MRC2: variants seen among roughly 807,000 people sequenced by gnomAD.
The protein encoded by MRC2 is C-type mannose receptor 2.
MRC2 carries 84 observed loss-of-function variants against 206.2 expected under a neutral mutation model. That is an observed-to-expected ratio of 0.41 (90% confidence interval 0.34 to 0.49). The LOEUF is 0.49. Ranked by LOEUF, MRC2 falls within the 20% of genes least tolerant of loss-of-function variation. The pLI is 0.31. For missense variants in MRC2, 1,676 were observed against 2,001.5 expected, an observed-to-expected ratio of 0.84 and a Z score of 3.10; for synonymous variants, 798 against 800.0, an observed-to-expected ratio of 1.00 and a Z score of 0.04.
At position 62,692,045 on chromosome 17, in the gene MRC2, T is replaced by G; in HGVS notation, c.4193-67T>G. ...CCGGCCCAGGCCTGTGTGCTTTGTA[T>G]GTTTACTTAAGTGATTATTACGATG... On this transcript the variant is annotated intron_variant, in intron 28 of 29. Coordinates refer to ENST00000303375, the MANE Select transcript of MRC2 (RefSeq NM_006039.5). The surrounding 1 kb of genome is among the most constrained non-coding windows in gnomAD (Gnocchi z 4.2). 5 of 1,608,036 alleles carry G rather than the reference T, an allele frequency of 3.1e-6. No individual in the cohort carries two copies. The Admixed American group carries it at 5.0e-5, about 16-fold the overall frequency.
intron 20 of MRC2, among the ~76,000 whole-genome samples, chr17:62,687,764 T>C (rs549562970): frequency 1.6e-4 from 24 of 152,082 alleles, no homozygotes; most frequent in Non-Finnish European, 2.9e-4. Context: ...GCGCCTGCAG[T>C]CCCAGCTACT....
Position 62,692,156 on chromosome 17 carries a change from C to T in MRC2, c.4219+18C>T. 1 of 1,614,176 alleles carries T rather than the reference C, an allele frequency of 6.2e-7. No individual in the cohort carries two copies. The highest frequency in any genetic ancestry group is 8.5e-7 in the Non-Finnish European group (1 of 1,180,038). ...CCCATCAGGTGAGTGAAAGGCAATG[C>T]CCCCAGGTGGGCAGGCAGGAAGCAC... On this transcript the variant is annotated intron_variant, in intron 29 of 29. Transcript: ENST00000303375. This position sits in a 1 kb window ranked among gnomAD's most constrained non-coding sequence, Gnocchi z 4.2.
chr17:62,665,035 C>G (rs2088732937), intron 2 of MRC2, 86 bp downstream of exon 2: 4 of 1,423,440 alleles, frequency 2.8e-6, no homozygotes, highest in Non-Finnish European at 3.7e-6. Context: ...AGTGACAAGG[C>G]CTTTGGCCTC....
At chr17:62,674,020 G>A in intron 8 of MRC2, 43 bp from the exon 9 acceptor site, 1 of 1,423,356 alleles carries the variant, frequency 7.0e-7, no homozygotes, top group Non-Finnish European at 9.7e-7. Flanking sequence ...GGAGATTTAT[G>A]GGGAGGTGGG....
intron 1 of MRC2, among the ~76,000 whole-genome samples, chr17:62,649,219 G>A (rs2088526243): frequency 6.6e-6 from 1 of 152,244 alleles, no homozygotes; most frequent in Non-Finnish European, 1.5e-5. Context: ...AAGTTGGCAG[G>A]TGCTCAATCT....
chr17:62,685,275 A>G (rs1260412639), intron 20 of MRC2, among the ~76,000 whole-genome samples: 1 of 152,166 alleles, frequency 6.6e-6, no homozygotes, highest in African/African-American at 2.4e-5. Context: ...CTCTCTAGAG[A>G]TCACAGCTAT....
intron 1 of MRC2, among the ~76,000 whole-genome samples, chr17:62,648,474 CT>C (rs963552828): frequency 6.6e-6 from 1 of 152,230 alleles, no homozygotes; most frequent in African/African-American, 2.4e-5. Flanking sequence ...TGTGAGTGAC[CT>C]CATTTTCCCT....
At chr17:62,658,265 G>T (rs1450000202) in intron 1 of MRC2, among the ~76,000 whole-genome samples, 3 of 152,148 alleles carry the variant, frequency 2.0e-5, no homozygotes, top group African/African-American at 7.2e-5. Context: ...CCTCTAACTG[G>T]ATTACAAATC....
At position 62,678,596 on chromosome 17, in the gene MRC2, C is replaced by T. The variant is rs369571285; in HGVS notation, c.2145C>T (p.Ala715=). The change falls in exon 13 of 30, where the codon GCC becomes GCT. Residue 715 remains alanine, a synonymous_variant. Transcript: ENST00000303375. ...TGGGGGCCCAGCTGCTGAGCCTGGC[C>T]AGCTACGAGGAGGAGCACTTTGTGG... is the stretch of plus-strand genomic sequence containing the variant. ...QELGAQLLSL[A]SYEEEHFVAN... 1.2e-5 allele frequency: 20 copies of T among 1,610,562 alleles called. No homozygotes were observed. The highest frequency in any genetic ancestry group is 2.2e-5 in the East Asian group (1 of 44,792).
Position 62,666,938 on chromosome 17 carries a change from C to T in MRC2, c.973+68C>T, listed in dbSNP as rs1246878368. On this transcript the variant is annotated intron_variant, in intron 5 of 29. Coordinates refer to ENST00000303375, the MANE Select transcript of MRC2 (RefSeq NM_006039.5). The surrounding 1 kb of genome is among the most constrained non-coding windows in gnomAD (Gnocchi z 5.0). Reference sequence around the variant, plus strand: ...GCGGGCTCTTGGCCTCCCATGGACTCCTCTCCTCATGTCCTCCTGCAGAGG... The same window carrying T: ...GCGGGCTCTTGGCCTCCCATGGACTTCTCTCCTCATGTCCTCCTGCAGAGG... The T allele has an allele frequency of 1.7e-5, 20 of 1,197,876 alleles. No individual in the cohort carries two copies. Among genetic ancestry groups the T allele is most frequent in the Non-Finnish European group, 2.2e-5 (18 of 820,896 alleles). The allele number at this position is 1,197,876 out of a possible 1,614,324, so 74.2% of individuals were successfully genotyped here.
At chr17:62,638,401 A>C (rs1407916295) in intron 1 of MRC2, among the ~76,000 whole-genome samples, 1 of 152,190 alleles carries the variant, frequency 6.6e-6, no homozygotes, top group Non-Finnish European at 1.5e-5. Flanking sequence ...TGTGAGACAC[A>C]CCAGAAAAAA....
In MRC2 at chr17:62,681,869, C is replaced by T. The variant is rs774137255; in HGVS notation, c.2735C>T (p.Ser912Phe). 6.2e-7 allele frequency: 1 copy of T among 1,613,962 alleles called. No individual in the cohort carries two copies. The highest frequency in any genetic ancestry group is 8.5e-7 in the Non-Finnish European group (1 of 1,179,984). The change falls in exon 19 of 30, where the codon TCC becomes TTC. Residue 912 changes from serine to phenylalanine, a missense_variant. Coordinates refer to ENST00000303375, the MANE Select transcript of MRC2 (RefSeq NM_006039.5). Reference protein sequence around the residue: ...WTDGSIINFISWAPGKPRPVG... With the variant: ...WTDGSIINFIFWAPGKPRPVG... Reference sequence around the variant, plus strand: ...GATGGTTCCATTATAAACTTCATCTCCTGGGCACCAGGCAAACCTCGGCCT... The same window carrying T: ...GATGGTTCCATTATAAACTTCATCTTCTGGGCACCAGGCAAACCTCGGCCT...
chr17:62,668,051 C>T (rs1435376457), intron 6 of MRC2, among the ~76,000 whole-genome samples: 1 of 152,110 alleles, frequency 6.6e-6, no homozygotes, highest in Non-Finnish European at 1.5e-5. Context: ...AACTACACTG[C>T]AGCTTTAAGG....
chr17:62,666,639 C>T lies in MRC2; in HGVS notation c.859+20C>T, dbSNP rs2088758937. 6.5e-7 allele frequency: 1 copy of T among 1,546,638 alleles called. No individual in the cohort carries two copies. The highest frequency in any genetic ancestry group is 1.4e-5 in the African/African-American group (1 of 73,520). On this transcript the variant is annotated intron_variant, in intron 4 of 29. Transcript: ENST00000303375. The surrounding 1 kb of genome is among the most constrained non-coding windows in gnomAD (Gnocchi z 5.0). The stretch of plus-strand genomic sequence containing the variant: ...TCAACGGTGAGCCGGGGCCTGATGC[C>T]TGCTCGTGCCTCTGGAGGGCCCGGG...
At position 62,680,505 on chromosome 17, in the gene MRC2, A is replaced by G. The variant is rs755700146; in HGVS notation, c.2473+52A>G. ...ACCCATCGCGTGGGAGAGGGCGTCA[A>G]CTCTGGGGTAAGTCCCGAGAGGCCT... On this transcript the variant is annotated intron_variant, in intron 16 of 29. Transcript: ENST00000303375. This position sits in a 1 kb window ranked among gnomAD's most constrained non-coding sequence, Gnocchi z 4.8. 1 of 1,608,850 alleles carries G rather than the reference A, an allele frequency of 6.2e-7. No individual in the cohort carries two copies. Among genetic ancestry groups the G allele is most frequent in the Admixed American group, 1.7e-5 (1 of 59,856 alleles).
chr17:62,648,125 C>T (rs2088512093), intron 1 of MRC2, among the ~76,000 whole-genome samples: 1 of 152,198 alleles, frequency 6.6e-6, no homozygotes, highest in Non-Finnish European at 1.5e-5. Context: ...AAGAACAGGC[C>T]GGGCATAGTG....
chr17:62,664,417 T>C lies in MRC2; in HGVS notation c.119-131T>C, dbSNP rs1038676921. ...CAGAGGGTTGGTAGTGAGTACCGAG[T>C]GATTTAACGTATGAGTGACGGCTCA... On this transcript the variant is annotated intron_variant, in intron 1 of 29. Transcript: ENST00000303375. The surrounding 1 kb of genome is among the most constrained non-coding windows in gnomAD (Gnocchi z 4.7). 4.6e-5 allele frequency: 48 copies of C among 1,033,360 alleles called. No homozygotes were observed. Among genetic ancestry groups the C allele is most frequent in the Non-Finnish European group, 6.1e-5 (43 of 704,904 alleles). 64.0% of individuals were successfully genotyped at this position (1,033,360 alleles called of 1,614,324 possible). A position where few individuals can be genotyped will look rare whatever the true frequency, so the allele number is the denominator to read the frequency against.
chr17:62,666,294 G>A lies in MRC2; in HGVS notation c.694+27G>A, dbSNP rs374963792. On this transcript the variant is annotated intron_variant, in intron 3 of 29. Coordinates refer to ENST00000303375, the MANE Select transcript of MRC2 (RefSeq NM_006039.5). This position sits in a 1 kb window ranked among gnomAD's most constrained non-coding sequence, Gnocchi z 5.0. ...TGAGAGCTGTTGGAGCCGTGGGGGC[G>A]GGGGCAGTGTTCCTGGAGGGAGGCT... is the stretch of plus-strand genomic sequence containing the variant. 741 of 1,556,754 alleles carry A rather than the reference G, an allele frequency of 4.8e-4. No homozygotes were observed. Among genetic ancestry groups the A allele is most frequent in the Non-Finnish European group, 5.9e-4 (679 of 1,154,314 alleles).
Position 62,692,769 on chromosome 17 carries a change from C to A in MRC2, c.*318C>A. On this transcript the variant is annotated 3_prime_UTR_variant, in exon 30 of 30. Transcript: ENST00000303375. The surrounding 1 kb of genome is among the most constrained non-coding windows in gnomAD (Gnocchi z 4.2). Reference sequence around the variant, plus strand: ...ACGAGAGCCTCTTTCTCCCCAGAGCCCCCGGCCCAGGCCTGTTGATCCGCG... The same window carrying A: ...ACGAGAGCCTCTTTCTCCCCAGAGCACCCGGCCCAGGCCTGTTGATCCGCG... 3 of 336,026 alleles carry A rather than the reference C, an allele frequency of 8.9e-6. No individual in the cohort carries two copies. Among genetic ancestry groups the A allele is most frequent in the East Asian group, 6.2e-5 (1 of 16,116 alleles). The allele number at this position is 336,026 out of a possible 1,614,324, so 20.8% of individuals were successfully genotyped here.
Sources: gnomAD v4.1 joint callset for allele counts (sites outside exome capture counted in the v4.1 genomes callset) on GRCh38, gnomAD v4.1.1 for gene constraint, Gnocchi (gnomAD v3.1) non-coding constraint, MANE v1.5 for transcripts, NCBI Gene and HGNC (gene_info 2026-07-23, HGNC 2026-07-21) for gene names.